Variants in AK8 observed in about 807,000 individuals in gnomAD.
The protein encoded by AK8 is ATP-AMP transphosphorylase 8.
AK8 carries 44 observed loss-of-function variants against 54.6 expected under a neutral mutation model. The ratio of observed to expected loss-of-function variants is 0.81; its 90% CI spans 0.63 to 1.04. AK8 has a LOEUF of 1.04. Among genes scored for constraint, AK8 ranks in the 50% least tolerant of loss-of-function variants. The probability of loss-of-function intolerance (pLI) is 0.00; values close to 1 mark genes in which losing one functional copy is unlikely to be tolerated. For missense variants in AK8, 555 were observed against 613.6 expected, an observed-to-expected ratio of 0.90 and a Z score of 1.01; for synonymous variants, 239 against 245.6, an observed-to-expected ratio of 0.97 and a Z score of 0.25.
chr9:132,835,299 T>G (rs914026068), intron 5 of AK8, among the ~76,000 whole-genome samples: 3 of 152,234 alleles, frequency 2.0e-5, no homozygotes, highest in African/African-American at 7.2e-5. Context: ...TGTCCCCAGA[T>G]GCACCAGTCT....
intron 11 of AK8, among the ~76,000 whole-genome samples, chr9:132,768,146 A>G (rs183894901): frequency 7.8e-4 from 119 of 152,356 alleles, no homozygotes; most frequent in Non-Finnish European, 1.0e-3. Context: ...AAGGTGACGG[A>G]CATCTTAAAT....
intron 11 of AK8, among the ~76,000 whole-genome samples, chr9:132,763,118 G>A (rs1008674903): frequency 2.6e-5 from 4 of 152,328 alleles, no homozygotes; most frequent in South Asian, 2.1e-4. Context: ...AGAGAAGGAG[G>A]TGACACAGTA....
Position 132,727,498 on chromosome 9 carries a change from C to T in AK8, c.1158G>A (p.Met386Ile), listed in dbSNP as rs371252329. ...CAATTCTTCTCAGAGTCAGCCGCTC[C>T]ATGATGGAATCAAATGGCACATTCA... ...FFLNVPFDSI[M>I]ERLTLRRIDP... Residue 386 changes from methionine to isoleucine, a missense_variant, in exon 12 of 13, where the codon ATG becomes ATA. Transcript: ENST00000298545. 9.3e-6 allele frequency: 15 copies of T among 1,614,060 alleles called. No individual in the cohort carries two copies. The highest frequency in any genetic ancestry group is 1.0e-5 in the Non-Finnish European group (12 of 1,179,962).
intron 11 of AK8, among the ~76,000 whole-genome samples, chr9:132,742,461 G>A (rs1201975825): frequency 2.0e-5 from 3 of 152,158 alleles, no homozygotes; most frequent in Non-Finnish European, 2.9e-5. Flanking sequence ...CGTGAGCCAC[G>A]GTGCTAGCCA....
At chr9:132,783,174 G>A (rs558278165) in intron 11 of AK8, among the ~76,000 whole-genome samples, 21 of 152,206 alleles carry the variant, frequency 1.4e-4, no homozygotes, top group African/African-American at 5.1e-4. Flanking sequence ...ACCCTTTCCC[G>A]GCGCTGGTCT....
chr9:132,727,620 G>T, intron 11 of AK8, 86 bp from the exon 12 acceptor site: 1 of 1,299,634 alleles, frequency 7.7e-7, no homozygotes. Flanking sequence ...GAGAATCCTG[G>T]AGAGACTGCT....
At chr9:132,775,013 A>G (rs1839149521) in intron 11 of AK8, among the ~76,000 whole-genome samples, 1 of 152,182 alleles carries the variant, frequency 6.6e-6, no homozygotes, top group Non-Finnish European at 1.5e-5. Context: ...CAGGAGGGGA[A>G]ATTTCCTGCC....
chr9:132,815,302 A>T (rs1841277846), intron 9 of AK8, among the ~76,000 whole-genome samples: 1 of 152,248 alleles, frequency 6.6e-6, no homozygotes, highest in East Asian at 1.9e-4. Context: ...ATGTGGCTGT[A>T]ATCCCAGCTT....
At chr9:132,830,656 G>A (rs915127533) in intron 5 of AK8, among the ~76,000 whole-genome samples, 15 of 152,190 alleles carry the variant, frequency 9.9e-5, no homozygotes, top group Non-Finnish European at 2.1e-4. Context: ...TATTAAGAAC[G>A]TGAACCCATT....
chr9:132,759,195 C>CAA (rs11354456), intron 11 of AK8, among the ~76,000 whole-genome samples: 1,427 of 82,658 alleles, frequency 0.017, 28 homozygotes, highest in African/African-American at 0.056. Context: ...GACCTGGTCT[C>CAA]AAAAAAAAAA....
At chr9:132,850,773 A>G (rs1777747731) in intron 5 of AK8, among the ~76,000 whole-genome samples, 2 of 151,542 alleles carry the variant, frequency 1.3e-5, no homozygotes, top group African/African-American at 4.9e-5. Context: ...GACTCAAGCA[A>G]TCCTCCTGCC....
At chr9:132,800,222 G>A (rs1415292738) in intron 10 of AK8, among the ~76,000 whole-genome samples, 2 of 152,166 alleles carry the variant, frequency 1.3e-5, no homozygotes, top group Non-Finnish European at 1.5e-5. Flanking sequence ...TCTCGCTGCC[G>A]TCACCAGAAA....
intron 10 of AK8, among the ~76,000 whole-genome samples, chr9:132,813,509 T>C (rs936124231): frequency 5.9e-5 from 9 of 152,238 alleles, no homozygotes; most frequent in Admixed American, 2.6e-4. Flanking sequence ...ATTCATTTTC[T>C]TCACAATAAG....
intron 11 of AK8, among the ~76,000 whole-genome samples, chr9:132,754,248 GCA>G (rs1416996890): frequency 4.6e-5 from 7 of 152,236 alleles, no homozygotes; most frequent in African/African-American, 1.7e-4. Flanking sequence ...CCACAAGCAA[GCA>G]CAGAGATGTA....
At chr9:132,739,493 C>T (rs1837271123) in intron 11 of AK8, among the ~76,000 whole-genome samples, 1 of 121,152 alleles carries the variant, frequency 8.3e-6, no homozygotes, top group Non-Finnish European at 1.6e-5. Context: ...ATTGTTCCTG[C>T]TTATCTTTCT....
intron 4 of AK8, among the ~76,000 whole-genome samples, chr9:132,858,043 T>C (rs897774017): frequency 2.0e-5 from 3 of 152,156 alleles, no homozygotes; most frequent in Non-Finnish European, 4.4e-5. Flanking sequence ...AAGCTGACAG[T>C]GCAGTGAGGC....
At chr9:132,735,857 C>A (rs1837078229) in intron 11 of AK8, among the ~76,000 whole-genome samples, 1 of 152,216 alleles carries the variant, frequency 6.6e-6, no homozygotes, top group African/African-American at 2.4e-5. Context: ...GTGGTCTATA[C>A]AGTCATGCGT....
At chr9:132,862,116 T>G (rs951862380) in intron 4 of AK8, among the ~76,000 whole-genome samples, 1 of 152,156 alleles carries the variant, frequency 6.6e-6, no homozygotes, top group Non-Finnish European at 1.5e-5. Flanking sequence ...ATAACCACTT[T>G]CTTTCTAAAA....
At chr9:132,759,314 C>T (rs1838344364) in intron 11 of AK8, among the ~76,000 whole-genome samples, 1 of 151,822 alleles carries the variant, frequency 6.6e-6, no homozygotes, top group South Asian at 2.1e-4. Context: ...TACTTTATCT[C>T]ATTCATTTAT....
Sources: allele counts gnomAD v4.1 joint callset (sites outside exome capture counted in the v4.1 genomes callset), GRCh38; gene constraint gnomAD v4.1.1; transcripts MANE v1.5; gene names NCBI Gene and HGNC (gene_info 2026-07-23, HGNC 2026-07-21).